STT3B: variants seen among roughly 807,000 people sequenced by gnomAD.
The protein encoded by STT3B is STT3 oligosaccharyltransferase complex catalytic subunit B.
STT3B carries 29 observed loss-of-function variants against 96.8 expected under a neutral mutation model. The observed-to-expected ratio is 0.30, with a 90% CI of 0.22 to 0.41. STT3B has a LOEUF of 0.41. Ranked by LOEUF, STT3B falls within the 10% of genes least tolerant of loss-of-function variation. STT3B has a pLI of 1.00. For synonymous variants in STT3B, 367 were observed against 360.0 expected (o/e 1.02, Z -0.22); for missense variants, 640 against 1,022.3 (o/e 0.63, Z 5.10).
intron 3 of STT3B, among the ~76,000 whole-genome samples, chr3:31,588,339 A>G (rs1392112342): frequency 1.3e-5 from 2 of 152,074 alleles, no homozygotes; most frequent in African/African-American, 4.8e-5. Context: ...TTTGTCTCAA[A>G]TATTTATTTC....
intron 1 of STT3B, among the ~76,000 whole-genome samples, chr3:31,542,828 T>C (rs1188877507): frequency 1.3e-5 from 2 of 152,146 alleles, no homozygotes; most frequent in African/African-American, 4.8e-5. Flanking sequence ...CCCAGCACTT[T>C]GGGTTACACG....
At chr3:31,561,595 CT>C (rs1195773744) in intron 1 of STT3B, among the ~76,000 whole-genome samples, 1 of 152,194 alleles carries the variant, frequency 6.6e-6, no homozygotes, top group Non-Finnish European at 1.5e-5. Flanking sequence ...TTCCCAGCCC[CT>C]GTTAACCATC....
chr3:31,608,421 GA>G (rs34222918), intron 5 of STT3B, among the ~76,000 whole-genome samples: 31,692 of 152,034 alleles, frequency 0.21, 3,392 homozygotes, highest in Middle Eastern at 0.25. Context: ...GGGGTTGGGG[GA>G]AACTGAAAGT....
intron 1 of STT3B, among the ~76,000 whole-genome samples, chr3:31,540,458 T>C (rs1352256095): frequency 6.6e-6 from 1 of 152,076 alleles, no homozygotes; most frequent in Non-Finnish European, 1.5e-5. Context: ...TCTTTTGGGG[T>C]TTTCTTTTCT....
intron 3 of STT3B, among the ~76,000 whole-genome samples, chr3:31,581,855 T>G (rs1442911084): frequency 1.3e-5 from 2 of 152,212 alleles, no homozygotes; most frequent in Non-Finnish European, 2.9e-5. Context: ...GATTTCTGAT[T>G]GCTGATTCAG....
chr3:31,581,140 A>G (rs1427955903), intron 3 of STT3B, among the ~76,000 whole-genome samples: 1 of 152,150 alleles, frequency 6.6e-6, no homozygotes, highest in East Asian at 1.9e-4. Flanking sequence ...TACAAATCAT[A>G]CTATGTCTGT....
intron 5 of STT3B, among the ~76,000 whole-genome samples, chr3:31,603,494 A>G (rs1698979282): frequency 6.6e-6 from 1 of 152,050 alleles, no homozygotes; most frequent in Non-Finnish European, 1.5e-5. Context: ...TATATTGGGA[A>G]GTAAATGTTT....
chr3:31,579,787 T>C, intron 2 of STT3B, 22 bp from the exon 3 acceptor site: 22 of 1,573,406 alleles, frequency 1.4e-5, no homozygotes, highest in Non-Finnish European at 1.8e-5. Flanking sequence ...TGTAATTAAA[T>C]TTTCCATTTT....
At chr3:31,538,088 A>G (rs1315545115) in intron 1 of STT3B, among the ~76,000 whole-genome samples, 1 of 152,156 alleles carries the variant, frequency 6.6e-6, no homozygotes, top group Non-Finnish European at 1.5e-5. Context: ...TTTCAAATGC[A>G]CAAGAAAGTT....
At chr3:31,570,107 TA>T (rs1404872238) in intron 1 of STT3B, among the ~76,000 whole-genome samples, 2 of 152,062 alleles carry the variant, frequency 1.3e-5, no homozygotes, top group African/African-American at 2.4e-5. Flanking sequence ...TTTAAATATT[TA>T]AAAAAATATG....
chr3:31,534,818 A>T (rs1332367342), intron 1 of STT3B, among the ~76,000 whole-genome samples: 4 of 152,162 alleles, frequency 2.6e-5, no homozygotes, highest in East Asian at 1.9e-4. Flanking sequence ...TAGTTTTTTT[A>T]AAAAATAACC....
At chr3:31,551,518 C>G (rs749284060) in intron 1 of STT3B, among the ~76,000 whole-genome samples, 3 of 152,110 alleles carry the variant, frequency 2.0e-5, no homozygotes, top group Non-Finnish European at 2.9e-5. Context: ...TGCCTGGCCT[C>G]TTTCCTGATT....
chr3:31,608,683 T>C (rs1256011459), intron 5 of STT3B, among the ~76,000 whole-genome samples: 2 of 152,192 alleles, frequency 1.3e-5, no homozygotes, highest in Non-Finnish European at 2.9e-5. Flanking sequence ...AGATTTCCTT[T>C]AAAGGTCTAT....
intron 3 of STT3B, among the ~76,000 whole-genome samples, chr3:31,594,674 C>G (rs1299327944): frequency 6.6e-6 from 1 of 152,108 alleles, no homozygotes; most frequent in African/African-American, 2.4e-5. Context: ...CCTGACTCGG[C>G]CTCCCAAAGT....
At chr3:31,549,505 A>G (rs925698351) in intron 1 of STT3B, among the ~76,000 whole-genome samples, 14 of 151,786 alleles carry the variant, frequency 9.2e-5, no homozygotes, top group Non-Finnish European at 1.9e-4. Flanking sequence ...TAGTTGTCCA[A>G]CCACTTTGGC....
At chr3:31,562,623 A>C (rs1697907869) in intron 1 of STT3B, among the ~76,000 whole-genome samples, 2 of 152,120 alleles carry the variant, frequency 1.3e-5, no homozygotes, top group African/African-American at 4.8e-5. Flanking sequence ...GCTTTCCTTC[A>C]GAGTAGCTGT....
At chr3:31,559,341 T>C (rs1318551790) in intron 1 of STT3B, among the ~76,000 whole-genome samples, 1 of 111,178 alleles carries the variant, frequency 9.0e-6, no homozygotes, top group Non-Finnish European at 1.7e-5. Context: ...TGTTGTTTAT[T>C]GCTATAAACT....
intron 5 of STT3B, among the ~76,000 whole-genome samples, chr3:31,608,478 T>C (rs1388175114): frequency 6.6e-6 from 1 of 152,192 alleles, no homozygotes; most frequent in Non-Finnish European, 1.5e-5. Flanking sequence ...CCTATGCTGC[T>C]AATATGACTC....
intron 5 of STT3B, among the ~76,000 whole-genome samples, chr3:31,602,930 G>T (rs1165138847): frequency 1.3e-5 from 2 of 152,074 alleles, no homozygotes; most frequent in African/African-American, 4.8e-5. Context: ...GATAGAGCAA[G>T]TGTTGCTCTT....
Sources: allele counts gnomAD v4.1 joint callset (sites outside exome capture counted in the v4.1 genomes callset), GRCh38; gene constraint gnomAD v4.1.1; transcripts MANE v1.5; gene names NCBI Gene and HGNC (gene_info 2026-07-23, HGNC 2026-07-21).